Variants in SLC25A21 observed in about 807,000 individuals in gnomAD.
SLC25A21 encodes solute carrier family 25 member 21, also known as mitochondrial 2-oxodicarboxylate carrier.
SLC25A21 carries 47 observed loss-of-function variants against 43.8 expected under a neutral mutation model. The ratio of observed to expected loss-of-function variants is 1.07; its 90% CI spans 0.85 to 1.37. The LOEUF (loss-of-function observed/expected upper bound fraction) is 1.37, where lower values mean the gene tolerates loss of function less well. SLC25A21 is among the 40% of genes most tolerant of loss of function. The probability of loss-of-function intolerance (pLI) is 0.00; values close to 1 mark genes in which losing one functional copy is unlikely to be tolerated. For missense variants in SLC25A21, 352 were observed against 350.2 expected, an observed-to-expected ratio of 1.00 and a Z score of -0.04; for synonymous variants, 131 against 121.3, an observed-to-expected ratio of 1.08 and a Z score of -0.52.
At chr14:36,871,095 C>T (rs1240546428) in intron 2 of SLC25A21, 1 of 152,388 alleles carries the variant, frequency 6.6e-6, no homozygotes, top group Non-Finnish European at 1.5e-5. Context: ...AGAGTGTCCC[C>T]TGGCTATGGT....
chr14:37,044,617 C>T (rs968066752), intron 1 of SLC25A21, among the ~76,000 whole-genome samples: 2 of 152,152 alleles, frequency 1.3e-5, no homozygotes, highest in Non-Finnish European at 2.9e-5. Flanking sequence ...ATTGATCATT[C>T]TCTTTAGTTT....
chr14:37,152,891 A>T (rs1484621597), intron 1 of SLC25A21, among the ~76,000 whole-genome samples: 1 of 152,190 alleles, frequency 6.6e-6, no homozygotes, highest in Non-Finnish European at 1.5e-5. Flanking sequence ...GAAGAACTGG[A>T]ATAGTATATA....
chr14:36,892,082 T>C (rs1174764236), intron 1 of SLC25A21, among the ~76,000 whole-genome samples: 2 of 152,116 alleles, frequency 1.3e-5, no homozygotes, highest in Non-Finnish European at 2.9e-5. Context: ...TGTCCAAACA[T>C]AGTTTGTCAG....
intron 3 of SLC25A21, among the ~76,000 whole-genome samples, chr14:36,736,694 G>A (rs149621359): frequency 3.3e-5 from 5 of 152,236 alleles, no homozygotes; most frequent in Admixed American, 6.5e-5. Flanking sequence ...ATCAACAGAG[G>A]AACTTGAAAT....
chr14:36,799,272 C>G (rs1234428949), intron 3 of SLC25A21, among the ~76,000 whole-genome samples: 1 of 152,024 alleles, frequency 6.6e-6, no homozygotes, highest in Non-Finnish European at 1.5e-5. Flanking sequence ...AGGTAAAATG[C>G]CAGCATTCTG....
At chr14:36,784,764 T>G (rs1469252657) in intron 3 of SLC25A21, among the ~76,000 whole-genome samples, 1 of 152,208 alleles carries the variant, frequency 6.6e-6, no homozygotes, top group Non-Finnish European at 1.5e-5. Flanking sequence ...ATGGAAACAC[T>G]GTGTGAGTCT....
chr14:36,776,228 TTC>T (rs1449979894), intron 3 of SLC25A21, among the ~76,000 whole-genome samples: 1 of 47,340 alleles, frequency 2.1e-5, no homozygotes, highest in Non-Finnish European at 3.8e-5. Context: ...TTCTTTTTCT[TTC>T]TTTCTTTCTT....
intron 1 of SLC25A21, among the ~76,000 whole-genome samples, chr14:36,992,013 G>A (rs1960273915): frequency 6.6e-6 from 1 of 152,174 alleles, no homozygotes; most frequent in Admixed American, 6.5e-5. Context: ...TCTATCAGTG[G>A]TTTCTTTATT....
intron 1 of SLC25A21, among the ~76,000 whole-genome samples, chr14:37,142,918 T>G (rs1234772606): frequency 6.6e-6 from 1 of 152,216 alleles, no homozygotes. Flanking sequence ...ATTTGACTAT[T>G]ATTTTTTTAG....
intron 2 of SLC25A21, among the ~76,000 whole-genome samples, chr14:36,842,672 A>C (rs1459920339): frequency 1.3e-5 from 2 of 152,232 alleles, no homozygotes; most frequent in African/African-American, 4.8e-5. Context: ...TGCCATAAAG[A>C]CAGGAGAAGA....
chr14:36,770,420 T>TCCCATC (rs1346352650), intron 3 of SLC25A21, among the ~76,000 whole-genome samples: 22 of 152,156 alleles, frequency 1.4e-4, no homozygotes, highest in African/African-American at 5.3e-4. Flanking sequence ...TTGGATAATA[T>TCCCATC]GCTCACTACC....
intron 1 of SLC25A21, among the ~76,000 whole-genome samples, chr14:37,102,273 T>C (rs905765726): frequency 1.3e-5 from 2 of 151,820 alleles, no homozygotes; most frequent in African/African-American, 4.8e-5. Context: ...AAACCCCATC[T>C]CTACTAAAAA....
At chr14:36,953,478 A>G (rs1318832103) in intron 1 of SLC25A21, among the ~76,000 whole-genome samples, 1 of 152,230 alleles carries the variant, frequency 6.6e-6, no homozygotes, top group African/African-American at 2.4e-5. Flanking sequence ...TGTGAAGTTT[A>G]TAAGTGGTTA....
intron 3 of SLC25A21, among the ~76,000 whole-genome samples, chr14:36,745,179 T>C (rs1395942465): frequency 6.6e-6 from 1 of 152,110 alleles, no homozygotes; most frequent in Non-Finnish European, 1.5e-5. Context: ...GAACTCATCC[T>C]TTTTTATGGC....
intron 1 of SLC25A21, among the ~76,000 whole-genome samples, chr14:37,146,555 G>C (rs1470361877): frequency 2.0e-5 from 3 of 152,110 alleles, no homozygotes; most frequent in African/African-American, 7.2e-5. Flanking sequence ...CCCAGACCAA[G>C]AGTTTTACCT....
chr14:36,805,774 T>C (rs1317109584), intron 3 of SLC25A21, among the ~76,000 whole-genome samples: 1 of 152,206 alleles, frequency 6.6e-6, no homozygotes, highest in African/African-American at 2.4e-5. Context: ...ATAATGTTTC[T>C]GTAAAAAGAG....
At chr14:36,683,999 T>C (rs1882414118) in intron 8 of SLC25A21, 119 bp from the exon 9 acceptor site, 1 of 627,412 alleles carries the variant, frequency 1.6e-6, no homozygotes, top group African/African-American at 1.9e-5. Flanking sequence ...ATTACACACA[T>C]CTCAAAGCAG....
intron 1 of SLC25A21, among the ~76,000 whole-genome samples, chr14:37,015,188 C>G (rs1960823375): frequency 1.8e-5 from 2 of 110,878 alleles, no homozygotes; most frequent in Admixed American, 2.2e-4. Context: ...CTATCCCTCC[C>G]CCCTCCCCCC....
At chr14:36,959,520 G>C (rs1160363212) in intron 1 of SLC25A21, among the ~76,000 whole-genome samples, 1 of 152,134 alleles carries the variant, frequency 6.6e-6, no homozygotes, top group Non-Finnish European at 1.5e-5. Context: ...GGGCCTGAGG[G>C]TTCCTAGAGA....
Sources: gnomAD v4.1 joint callset for allele counts (sites outside exome capture counted in the v4.1 genomes callset) on GRCh38, gnomAD v4.1.1 for gene constraint, MANE v1.5 for transcripts, NCBI Gene and HGNC (gene_info 2026-07-23, HGNC 2026-07-21) for gene names.